The following SPSB1 variants were observed in gnomAD, a reference collection of about 807,000 sequenced individuals.
SPSB1 encodes the protein splA/ryanodine receptor domain and SOCS box containing 1, also known as SPRY domain-containing SOCS box protein 1.
In SPSB1, 8 loss-of-function variants were observed where a neutral mutation model predicts 21.2. The ratio of observed to expected loss-of-function variants is 0.38; its 90% CI spans 0.22 to 0.68. The LOEUF (loss-of-function observed/expected upper bound fraction) is 0.68, where lower values mean the gene tolerates loss of function less well. SPSB1 is among the 30% of genes least tolerant of loss of function. The pLI, the probability that SPSB1 is intolerant of heterozygous loss-of-function variation, is 0.53. For missense variants in SPSB1, 242 were observed against 377.8 expected, an observed-to-expected ratio of 0.64 and a Z score of 2.98; for synonymous variants, 169 against 161.7, an observed-to-expected ratio of 1.05 and a Z score of -0.34.
chr1:9,319,212 A>C (rs1463085225), intron 1 of SPSB1, among the ~76,000 whole-genome samples: 4 of 152,004 alleles, frequency 2.6e-5, no homozygotes, highest in African/African-American at 4.8e-5. Context: ...ACAACAACAA[A>C]AGAGGAGGTA....
chr1:9,293,797 C>T lies in SPSB1; in HGVS notation c.-150+726C>T, dbSNP rs1400331585. On this transcript the variant is annotated intron_variant, in intron 1 of 2. Coordinates refer to ENST00000328089, the MANE Select transcript of SPSB1 (RefSeq NM_025106.4). The surrounding 1 kb of genome is among the most constrained non-coding windows in gnomAD (Gnocchi z 5.1). Reference sequence around the variant, plus strand: ...CGTCCAGGTTCCGGTGAGGACGGGACGGCCCCGAGAGGAGGGTGCGGGTCT... The same window carrying T: ...CGTCCAGGTTCCGGTGAGGACGGGATGGCCCCGAGAGGAGGGTGCGGGTCT... Among the ~76,000 whole-genome samples the T allele has an allele frequency of 6.6e-6, 1 of 152,138 alleles. No individual in the cohort carries two copies. The highest frequency in any genetic ancestry group is 1.5e-5 in the Non-Finnish European group (1 of 68,014).
rs1557453192 is a variant in SPSB1 at position 9,324,983 on chromosome 1, T to C, written c.-149-30760T>C. 6.6e-6 allele frequency among the ~76,000 whole-genome samples: 1 copy of C among 152,176 alleles called. No individual in the cohort carries two copies. The highest frequency in any genetic ancestry group is 1.5e-5 in the Non-Finnish European group (1 of 68,020). On this transcript the variant is annotated intron_variant, in intron 1 of 2. Transcript: ENST00000328089. The surrounding 1 kb of genome is among the most constrained non-coding windows in gnomAD (Gnocchi z 4.3). ...TCGGAGGCGCCTGTGAGCGGGTCAG[T>C]ACTGGGTAGGCAGCCCCATTGGGAG...
rs989281949 is a variant in SPSB1 at position 9,302,066 on chromosome 1, G to A, written c.-150+8995G>A. 2.5e-4 allele frequency among the ~76,000 whole-genome samples: 38 copies of A among 152,212 alleles called. 1 individual carries two copies. The highest frequency in any genetic ancestry group is 1.2e-4 in the Non-Finnish European group (8 of 68,046). On this transcript the variant is annotated intron_variant, in intron 1 of 2. Coordinates refer to ENST00000328089, the MANE Select transcript of SPSB1 (RefSeq NM_025106.4). ...TCACAACCAAGGAAGTGTGGCACTG[G>A]GATCATGTGCAGGGAATTGGCCGGT... is the stretch of plus-strand genomic sequence containing the variant.
At chr1:9,308,568 C>A (rs1263514478) in intron 1 of SPSB1, among the ~76,000 whole-genome samples, 1 of 152,188 alleles carries the variant, frequency 6.6e-6, no homozygotes, top group African/African-American at 2.4e-5. Flanking sequence ...GTCTCAGATC[C>A]CATCTGCTGT....
chr1:9,303,503 T>C (rs1639366433), intron 1 of SPSB1, among the ~76,000 whole-genome samples: 1 of 152,234 alleles, frequency 6.6e-6, no homozygotes, highest in Non-Finnish European at 1.5e-5. Context: ...ACATGTATAT[T>C]AGGCAAATAT....
chr1:9,338,355 G>A (rs1640037803), intron 1 of SPSB1, among the ~76,000 whole-genome samples: 1 of 152,190 alleles, frequency 6.6e-6, no homozygotes, highest in African/African-American at 2.4e-5. Context: ...GGGGCTCTGG[G>A]TGTGCTGTGA....
intron 1 of SPSB1, among the ~76,000 whole-genome samples, chr1:9,333,825 G>T (rs1639963123): frequency 2.0e-5 from 3 of 152,164 alleles, no homozygotes; most frequent in African/African-American, 4.8e-5. Flanking sequence ...CTGCCCAGCT[G>T]GCTTTCCTCT....
In SPSB1 at chr1:9,321,191, A is replaced by T. The variant is rs946989970; in HGVS notation, c.-150+28120A>T. ...AAAAGCTCTTAAACCTTCTTAGTTT[A>T]GTCTGCAGAGGCGTCTCAGGCGGTG... On this transcript the variant is annotated intron_variant, in intron 1 of 2. Coordinates refer to ENST00000328089, the MANE Select transcript of SPSB1 (RefSeq NM_025106.4). The surrounding 1 kb of genome is among the most constrained non-coding windows in gnomAD (Gnocchi z 4.8). Among the ~76,000 whole-genome samples, 16 of 151,002 alleles carry T rather than the reference A, an allele frequency of 1.1e-4. No homozygotes were observed. The highest frequency in any genetic ancestry group is 3.9e-4 in the African/African-American group (16 of 41,178).
At chr1:9,311,313 CTG>C (rs1443469825) in intron 1 of SPSB1, among the ~76,000 whole-genome samples, 3 of 152,126 alleles carry the variant, frequency 2.0e-5, no homozygotes, top group East Asian at 3.8e-4. Context: ...TGACCCATGA[CTG>C]GGGTTTCTTT....
Position 9,346,732 on chromosome 1 carries a change from CA to C in SPSB1, c.-149-9010del, listed in dbSNP as rs911481952. 6.6e-5 allele frequency among the ~76,000 whole-genome samples: 10 copies of C among 152,284 alleles called. No individual in the cohort carries two copies. Among genetic ancestry groups the C allele is most frequent in the African/African-American group, 2.4e-4 (10 of 41,550 alleles). On this transcript the variant is annotated intron_variant, in intron 1 of 2. Transcript: ENST00000328089. This position sits in a 1 kb window ranked among gnomAD's most constrained non-coding sequence, Gnocchi z 4.4. Reference sequence around the variant, plus strand: ...CTCCTCTTCCCTGGCGTTGGTCTATCAGGGGTGGAACAGCCACCGGTGTTTC... The same window carrying C: ...CTCCTCTTCCCTGGCGTTGGTCTATCGGGGTGGAACAGCCACCGGTGTTTC...
At chr1:9,361,167 T>C (rs1640470216) in intron 2 of SPSB1, among the ~76,000 whole-genome samples, 2 of 141,628 alleles carry the variant, frequency 1.4e-5, no homozygotes, top group African/African-American at 2.7e-5. Flanking sequence ...TTTTTTTTTT[T>C]TTTTTTTTTT....
rs551040494 is a variant in SPSB1, at chr1:9,342,467, C to T, written c.-149-13276C>T. On this transcript the variant is annotated intron_variant, in intron 1 of 2. Transcript: ENST00000328089. Reference sequence around the variant, plus strand: ...GGAGGATCCCAGTGGCTTGTCAATTCGCTGATAGCAGAAGGTAGGGCCTTT... The same window carrying T: ...GGAGGATCCCAGTGGCTTGTCAATTTGCTGATAGCAGAAGGTAGGGCCTTT... 1.3e-4 allele frequency among the ~76,000 whole-genome samples: 20 copies of T among 152,314 alleles called. No individual in the cohort carries two copies. In the East Asian group the frequency reaches 2.7e-3, roughly 21 times the overall value.
At chr1:9,323,592 T>G (rs1488281255) in intron 1 of SPSB1, among the ~76,000 whole-genome samples, 1 of 152,182 alleles carries the variant, frequency 6.6e-6, no homozygotes, top group Non-Finnish European at 1.5e-5. Flanking sequence ...GGAATCCAGA[T>G]GTAAACAAAG....
chr1:9,342,680 GC>G (rs1050730830), intron 1 of SPSB1, among the ~76,000 whole-genome samples: 9 of 152,262 alleles, frequency 5.9e-5, no homozygotes, highest in South Asian at 2.1e-4. Context: ...CACAGTTTGG[GC>G]CCAGGGGTCT....
intron 1 of SPSB1, among the ~76,000 whole-genome samples, chr1:9,311,748 G>C (rs1334801425): frequency 6.6e-6 from 1 of 152,120 alleles, no homozygotes. Context: ...GACGTGAAAC[G>C]TGGCTTTATC....
At position 9,356,657 on chromosome 1, in the gene SPSB1, A is replaced by G. The variant is rs1228917980; in HGVS notation, c.694+72A>G. 5 of 1,516,952 alleles carry G rather than the reference A, an allele frequency of 3.3e-6. No homozygotes were observed. Among genetic ancestry groups the G allele is most frequent in the Non-Finnish European group, 4.4e-6 (5 of 1,134,986 alleles). 94.0% of individuals were successfully genotyped at this position (1,516,952 alleles called of 1,614,324 possible). On this transcript the variant is annotated intron_variant, in intron 2 of 2. Coordinates refer to ENST00000328089, the MANE Select transcript of SPSB1 (RefSeq NM_025106.4). This position sits in a 1 kb window ranked among gnomAD's most constrained non-coding sequence, Gnocchi z 7.4. The stretch of plus-strand genomic sequence containing the variant: ...CATGGTCCTGGCTGGGCTCAGGCCA[A>G]AAGTTGATTCATTGGAACTAGAGTG...
chr1:9,355,401 C>T (rs1485459566), intron 1 of SPSB1, among the ~76,000 whole-genome samples: 1 of 152,260 alleles, frequency 6.6e-6, no homozygotes, highest in African/African-American at 2.4e-5. Flanking sequence ...AGTCCTGGTT[C>T]TGTGGCACCA....
chr1:9,302,280 G>A (rs1338442727), intron 1 of SPSB1, among the ~76,000 whole-genome samples: 1 of 152,252 alleles, frequency 6.6e-6, no homozygotes, highest in African/African-American at 2.4e-5. Flanking sequence ...TACCCAGGTA[G>A]ATGGTAAAGC....
intron 1 of SPSB1, among the ~76,000 whole-genome samples, chr1:9,327,541 G>A (rs1361357819): frequency 6.6e-6 from 1 of 151,968 alleles, no homozygotes; most frequent in Non-Finnish European, 1.5e-5. Context: ...GCACGAGCTG[G>A]GCAGACAGCA....
Sources: gnomAD v4.1 joint callset for allele counts (sites outside exome capture counted in the v4.1 genomes callset) on GRCh38, gnomAD v4.1.1 for gene constraint, Gnocchi (gnomAD v3.1) non-coding constraint, MANE v1.5 for transcripts, NCBI Gene and HGNC (gene_info 2026-07-23, HGNC 2026-07-21) for gene names.